The following TCERG1 variants were observed in gnomAD, a reference collection of about 807,000 sequenced individuals.
TCERG1 encodes the protein TATA box binding protein (TBP)-associated factor, RNA polymerase II, S, 150kD.
Under a neutral mutation model 144.7 loss-of-function variants are expected in TCERG1, and 37 were observed. The observed-to-expected ratio is 0.26, with a 90% CI of 0.20 to 0.34. TCERG1 has a LOEUF of 0.34. TCERG1 is among the 10% of genes least tolerant of loss of function. The probability of loss-of-function intolerance (pLI) is 1.00; values close to 1 mark genes in which losing one functional copy is unlikely to be tolerated. For synonymous variants in TCERG1, 492 were observed against 458.2 expected, an observed-to-expected ratio of 1.07 and a Z score of -0.94; for missense variants, 1,027 against 1,380.7, an observed-to-expected ratio of 0.74 and a Z score of 4.06.
chr5:146,503,413 C>G lies in TCERG1; in HGVS notation c.2472C>G (p.His824Gln). 6.2e-7 allele frequency: 1 copy of G among 1,613,634 alleles called. No individual in the cohort carries two copies. The highest frequency in any genetic ancestry group is 8.5e-7 in the Non-Finnish European group (1 of 1,179,820). ...TCTTTGAACTATTATCTAATCATCA[C>G]TTGGACAGTCAGTCTCGATGGAGCA... ...SDFFELLSNH[H>Q]LDSQSRWSKV... Residue 824 changes from histidine (H) to glutamine (Q), a missense_variant, in exon 18 of 23, where the codon CAC becomes CAG. By Grantham distance (24) the His-to-Gln change is conservative (BLOSUM62 0). Coordinates refer to ENST00000679501, the MANE Select transcript of TCERG1 (RefSeq NM_001382548.1).
intron 1 of TCERG1, among the ~76,000 whole-genome samples, chr5:146,454,082 A>T (rs1411169334): frequency 6.6e-6 from 1 of 150,974 alleles, no homozygotes; most frequent in African/African-American, 2.4e-5. Context: ...ATGGTGGCGC[A>T]TGCCTGTAGT....
At chr5:146,476,518 A>G (rs578210355) in intron 9 of TCERG1, among the ~76,000 whole-genome samples, 1 of 152,318 alleles carries the variant, frequency 6.6e-6, no homozygotes, top group African/African-American at 2.4e-5. Context: ...TAATTTCTAT[A>G]TAATTATTCC....
rs1767743916 is a variant in TCERG1 at position 146,504,282 on chromosome 5, T to C, written c.2781+276T>C. The C allele has an allele frequency of 1.9e-5, 5 of 262,894 alleles. No individual in the cohort carries two copies. The Admixed American group carries it at 2.1e-4, about 11-fold the overall frequency. 16.3% of individuals were successfully genotyped at this position (262,894 alleles called of 1,614,324 possible). The stretch of plus-strand genomic sequence containing the variant: ...TATTTATTGTTCTTGATGAAAGTCA[T>C]TGTAAACTATTACACACTTACCTGC... On this transcript the variant is annotated intron_variant, in intron 19 of 22. Coordinates refer to ENST00000679501, the MANE Select transcript of TCERG1 (RefSeq NM_001382548.1).
intron 15 of TCERG1, among the ~76,000 whole-genome samples, chr5:146,486,504 G>A (rs12055124): frequency 3.3e-5 from 5 of 151,966 alleles, no homozygotes; most frequent in African/African-American, 9.7e-5. Context: ...ATAGATAGTC[G>A]TTATGCTATT....
chr5:146,484,565 A>G (rs549091281), intron 15 of TCERG1, among the ~76,000 whole-genome samples: 7 of 148,114 alleles, frequency 4.7e-5, no homozygotes, highest in Non-Finnish European at 1.0e-4. Flanking sequence ...GAGAAAATTT[A>G]CAATGTGCCA....
chr5:146,459,101 C>T lies in TCERG1; in HGVS notation c.656C>T (p.Ala219Val). Residue 219 changes from alanine to valine, a missense_variant, in exon 4 of 23, where the codon GCC becomes GTC. Physicochemically the swap from Ala to Val is moderately conservative, Grantham distance 64. Around this residue, in one of 6 missense-constraint regions of TCERG1, gnomAD observed 187 missense variants for 169.1 expected, o/e 1.11. Coordinates refer to ENST00000679501, the MANE Select transcript of TCERG1 (RefSeq NM_001382548.1). Reference protein sequence around the residue: ...AQAQAQAQAQAQAQAQAQAQA... With the variant: ...AQAQAQAQAQVQAQAQAQAQA... ...GCCCAGGCCCAGGCCCAGGCCCAGGCCCAGGCCCAAGCCCAAGCCCAGGCC... is the reference window on the plus strand; with the variant it reads ...GCCCAGGCCCAGGCCCAGGCCCAGGTCCAGGCCCAAGCCCAAGCCCAGGCC... The T allele has an allele frequency of 6.3e-7, 1 of 1,595,040 alleles. No individual in the cohort carries two copies. Among genetic ancestry groups the T allele is most frequent in the Non-Finnish European group, 8.6e-7 (1 of 1,165,540 alleles).
intron 4 of TCERG1, among the ~76,000 whole-genome samples, chr5:146,463,040 T>C (rs1463811716): frequency 6.6e-6 from 1 of 152,244 alleles, no homozygotes; most frequent in Non-Finnish European, 1.5e-5. Flanking sequence ...CTTAGCCTTT[T>C]GTTCAAGGCT....
intron 14 of TCERG1, 73 bp from the exon 15 acceptor site, chr5:146,483,467 T>A: frequency 7.3e-7 from 1 of 1,362,214 alleles, no homozygotes; most frequent in Admixed American, 2.0e-5. Context: ...ATCCTGTAGA[T>A]TTCAAGCAAA....
At chr5:146,468,494 AG>A (rs1763989193) in intron 6 of TCERG1, 91 bp downstream of exon 6, 7 of 1,168,898 alleles carry the variant, frequency 6.0e-6, no homozygotes, top group Admixed American at 2.3e-5. Context: ...TTTTTGCCCA[AG>A]TGAGTGGATA....
At chr5:146,474,869 T>C (rs1012477762) in intron 9 of TCERG1, among the ~76,000 whole-genome samples, 1 of 152,258 alleles carries the variant, frequency 6.6e-6, no homozygotes, top group South Asian at 2.1e-4. Context: ...GATGTAAATA[T>C]AACTTTTGTA....
At chr5:146,467,309 G>A (rs1478187520) in intron 5 of TCERG1, among the ~76,000 whole-genome samples, 3 of 151,674 alleles carry the variant, frequency 2.0e-5, no homozygotes, top group East Asian at 1.9e-4. Flanking sequence ...ATAGTTTATT[G>A]TTACTATTTT....
intron 19 of TCERG1, 168 bp downstream of exon 19, chr5:146,504,174 A>G: frequency 1.6e-6 from 1 of 614,784 alleles, no homozygotes. Flanking sequence ...AGTATAGGAA[A>G]AAACCCAAGT....
In TCERG1 at chr5:146,507,929, A is replaced by T. The variant is rs1362145995; in HGVS notation, c.3018A>T (p.Arg1006=). Residue 1006 remains arginine, a synonymous_variant, in exon 21 of 23, where the codon CGA becomes CGT. Coordinates refer to ENST00000679501, the MANE Select transcript of TCERG1 (RefSeq NM_001382548.1). This position sits in a 1 kb window ranked among gnomAD's most constrained non-coding sequence, Gnocchi z 4.6. ...AAAAAATCATTAAGGAAGATCCTCG[A>T]TGTATTAAGTTCTCCTCCAGTGACA... ...EVKKIIKEDP[R]CIKFSSSDRK... is the part of the protein sequence containing the mutation. 2 of 1,611,290 alleles carry T rather than the reference A, an allele frequency of 1.2e-6. No homozygotes were observed. Among genetic ancestry groups the T allele is most frequent in the Non-Finnish European group, 8.5e-7 (1 of 1,178,632 alleles).
chr5:146,461,538 G>A (rs1399153690), intron 4 of TCERG1, among the ~76,000 whole-genome samples: 1 of 151,992 alleles, frequency 6.6e-6, no homozygotes, highest in Non-Finnish European at 1.5e-5. Context: ...TTTTCCTGTC[G>A]TGACTCATGG....
intron 9 of TCERG1, among the ~76,000 whole-genome samples, chr5:146,476,193 T>C (rs1466769758): frequency 6.6e-6 from 1 of 152,188 alleles, no homozygotes; most frequent in African/African-American, 2.4e-5. Flanking sequence ...TAGACTTCTT[T>C]GGCAGACCCA....
At chr5:146,488,579 C>G (rs750521485) in intron 15 of TCERG1, among the ~76,000 whole-genome samples, 5 of 152,102 alleles carry the variant, frequency 3.3e-5, no homozygotes, top group Admixed American at 6.5e-5. Context: ...ATAACGAATA[C>G]TGGCAAGGAT....
At position 146,459,298 on chromosome 5, in the gene TCERG1, A is replaced by G. The variant is rs1393950554; in HGVS notation, c.853A>G (p.Thr285Ala). ...ATCCACCCCTTCCTCTACCACTTCT[A>G]CCACAACAACTGCTACTTCAGTTGC... Reference protein sequence around the residue: ...SSSTPSSTTSTTTTATSVAQT... With the variant: ...SSSTPSSTTSATTTATSVAQT... The change falls in exon 4 of 23, where the codon ACC (threonine) becomes GCC (alanine). Residue 285 changes from threonine to alanine, a missense_variant. This residue lies in a region of TCERG1 where 187 missense variants were observed against 169.1 expected (regional missense o/e 1.11). Coordinates refer to ENST00000679501, the MANE Select transcript of TCERG1 (RefSeq NM_001382548.1). 11 of 1,614,172 alleles carry G rather than the reference A, an allele frequency of 6.8e-6. No individual in the cohort carries two copies. The highest frequency in any genetic ancestry group is 9.3e-6 in the Non-Finnish European group (11 of 1,180,020).
At position 146,471,254 on chromosome 5, in the gene TCERG1, A is replaced by G. The variant is rs1263673657; in HGVS notation, c.1513-234A>G. ...GTTCTCCATATCTGCTCCTAAGCACATGGTTAGTGAGTCTATAAGATAGGA... is the reference window on the plus strand; with the variant it reads ...GTTCTCCATATCTGCTCCTAAGCACGTGGTTAGTGAGTCTATAAGATAGGA... On this transcript the variant is annotated intron_variant, in intron 8 of 22. Transcript: ENST00000679501. Among the ~76,000 whole-genome samples, 3 of 152,204 alleles carry G rather than the reference A, an allele frequency of 2.0e-5. No individual in the cohort carries two copies. In the East Asian group the frequency reaches 5.8e-4, roughly 29 times the overall value.
chr5:146,461,679 A>G (rs773983498), intron 4 of TCERG1, among the ~76,000 whole-genome samples: 22 of 152,136 alleles, frequency 1.4e-4, no homozygotes, highest in Non-Finnish European at 2.9e-4. Context: ...TGACTATAGT[A>G]CTTTGGATCA....
Sources: allele counts gnomAD v4.1 joint callset (sites outside exome capture counted in the v4.1 genomes callset), GRCh38; gene constraint gnomAD v4.1.1; regional missense constraint gnomAD v4.1.1; non-coding constraint Gnocchi (gnomAD v3.1); transcripts MANE v1.5; gene names NCBI Gene and HGNC (gene_info 2026-07-23, HGNC 2026-07-21).